Variants in ST18 observed in about 807,000 individuals in gnomAD.
The protein encoded by ST18 is ST18 C2H2C-type zinc finger transcription factor, also known as suppression of tumorigenicity 18 protein.
Under a neutral mutation model 110.0 loss-of-function variants are expected in ST18, and 50 were observed. That is an observed-to-expected ratio of 0.45 (90% CI 0.36 to 0.58). ST18 has a LOEUF of 0.58. Ranked by LOEUF, ST18 falls within the 20% of genes least tolerant of loss-of-function variation. ST18 has a pLI of 0.00. For missense variants in ST18, 1,306 were observed against 1,280.1 expected, an observed-to-expected ratio of 1.02 and a Z score of -0.31; for synonymous variants, 461 against 452.4, an observed-to-expected ratio of 1.02 and a Z score of -0.24.
chr8:52,152,798 A>C (rs543747946), intron 15 of ST18, among the ~76,000 whole-genome samples: 4 of 152,220 alleles, frequency 2.6e-5, no homozygotes, highest in Non-Finnish European at 5.9e-5. Context: ...TTACTATAAA[A>C]TAAGAAGTGA....
chr8:52,254,246 T>G (rs2094452599), intron 2 of ST18: 1 of 152,166 alleles, frequency 6.6e-6, no homozygotes. Flanking sequence ...AGTTTTAAAC[T>G]TACTTTTTTG....
chr8:52,378,777 T>G (rs1352229051), intron 2 of ST18, among the ~76,000 whole-genome samples: 1 of 152,206 alleles, frequency 6.6e-6, no homozygotes, highest in East Asian at 1.9e-4. Flanking sequence ...ATTTGGAGAA[T>G]TAAAATGTTA....
intron 9 of ST18, among the ~76,000 whole-genome samples, chr8:52,173,566 T>C (rs975957218): frequency 4.6e-5 from 7 of 152,124 alleles, no homozygotes; most frequent in Non-Finnish European, 1.0e-4. Context: ...CCCAAGCCTG[T>C]CCCAGTGCAA....
Position 52,113,244 on chromosome 8 carries a change from G to C in ST18, c.3098C>G (p.Ala1033Gly). 6.2e-7 allele frequency: 1 copy of C among 1,614,140 alleles called. No homozygotes were observed. Among genetic ancestry groups the C allele is most frequent in the Non-Finnish European group, 8.5e-7 (1 of 1,179,970 alleles). ...TGCCTGTTTGATACTTTCCAGTAGA[G>C]CTTTGCATTCCGGGGAATAGTCCCG... ...LERDYSPECK[A>G]LLESIKQAVK... is the part of the protein sequence containing the mutation. The change falls in exon 26 of 26, where the codon GCT becomes GGT. Residue 1033 changes from alanine to glycine, a missense_variant. By Grantham distance (60) the Ala-to-Gly change is moderately conservative (BLOSUM62 0). Transcript: ENST00000689386.
intron 9 of ST18, among the ~76,000 whole-genome samples, chr8:52,175,109 C>T (rs564307984): frequency 2.6e-5 from 4 of 152,084 alleles, no homozygotes; most frequent in Non-Finnish European, 5.9e-5. Context: ...GGTGGGGCTG[C>T]GTCACCTGCC....
At chr8:52,306,860 A>T (rs2095821693) in intron 2 of ST18, among the ~76,000 whole-genome samples, 1 of 152,240 alleles carries the variant, frequency 6.6e-6, no homozygotes, top group Admixed American at 6.5e-5. Flanking sequence ...CAAGAACCAC[A>T]GTAACTTTTG....
At chr8:52,409,758 G>C (rs1252198187), upstream of ST18, 1 of 152,394 alleles carries the variant, frequency 6.6e-6, no homozygotes, top group South Asian at 2.1e-4. Context: ...CATAGAATCA[G>C]AACGCAGAGG....
intron 8 of ST18, among the ~76,000 whole-genome samples, chr8:52,190,896 T>C (rs2074261093): frequency 6.6e-6 from 1 of 152,174 alleles, no homozygotes; most frequent in Admixed American, 6.5e-5. Flanking sequence ...ACCATATCGG[T>C]GAAGTGCTTA....
chr8:52,154,726 G>A (rs796574651), intron 15 of ST18: 1 of 152,142 alleles, frequency 6.6e-6, no homozygotes, highest in African/African-American at 2.4e-5. Flanking sequence ...CCAAGTTCTA[G>A]AATCAGGCCG....
At chr8:52,204,745 C>T (rs1485272439) in intron 8 of ST18, among the ~76,000 whole-genome samples, 2 of 152,096 alleles carry the variant, frequency 1.3e-5, no homozygotes, top group Middle Eastern at 3.2e-3. Flanking sequence ...TCTGACAATG[C>T]AAGTCAATCC....
chr8:52,136,804 C>T lies in ST18; in HGVS notation c.2232-146G>A, dbSNP rs183748690. On this transcript the variant is annotated intron_variant, in intron 18 of 25. Transcript: ENST00000689386. Reference sequence around the variant, plus strand: ...ATAACTGGCTTTGAATCTGGCTTTGCTCTTCTCGCCAGTCTGGGCTGGTGG... The same window carrying T: ...ATAACTGGCTTTGAATCTGGCTTTGTTCTTCTCGCCAGTCTGGGCTGGTGG... 7.6e-4 allele frequency: 532 copies of T among 700,216 alleles called. 4 individuals carry two copies. In the African/African-American group the frequency reaches 8.5e-3, roughly 11 times the overall value. The allele number at this position is 700,216 out of a possible 1,614,324, so 43.4% of individuals were successfully genotyped here. A position where few individuals can be genotyped will look rare whatever the true frequency, so the allele number is the denominator to read the frequency against.
intron 8 of ST18, among the ~76,000 whole-genome samples, chr8:52,208,078 T>G (rs1191470650): frequency 2.0e-5 from 3 of 152,242 alleles, no homozygotes; most frequent in Non-Finnish European, 2.9e-5. Context: ...ATAAATTGCT[T>G]TTTTAATGGT....
chr8:52,225,217 T>C (rs1458005570), intron 3 of ST18, among the ~76,000 whole-genome samples: 2 of 152,230 alleles, frequency 1.3e-5, no homozygotes, highest in Admixed American at 6.5e-5. Context: ...CTCTGCAAGA[T>C]GATTTAACTT....
intron 2 of ST18, among the ~76,000 whole-genome samples, chr8:52,251,775 C>G (rs1253454633): frequency 6.6e-6 from 1 of 152,038 alleles, no homozygotes; most frequent in African/African-American, 2.4e-5. Context: ...CAGATGGAAC[C>G]ATTTCTGAAG....
chr8:52,170,274 G>A (rs991010987), intron 10 of ST18, among the ~76,000 whole-genome samples: 12 of 152,192 alleles, frequency 7.9e-5, no homozygotes, highest in East Asian at 5.8e-4. Context: ...CGGCCAACAC[G>A]GGGAAACCCC....
chr8:52,385,377 A>T (rs990906885), intron 2 of ST18, among the ~76,000 whole-genome samples: 4 of 152,202 alleles, frequency 2.6e-5, no homozygotes, highest in African/African-American at 9.6e-5. Flanking sequence ...AGGCAGGCGG[A>T]TCACCTGAGG....
intron 3 of ST18, among the ~76,000 whole-genome samples, chr8:52,228,250 T>C (rs2090176674): frequency 2.6e-5 from 4 of 152,194 alleles, no homozygotes. Flanking sequence ...TGGCTTATGA[T>C]TTAAATGGGT....
intron 2 of ST18, among the ~76,000 whole-genome samples, chr8:52,252,505 TA>T (rs56856023): frequency 0.32 from 47,693 of 146,882 alleles, 7,693 homozygotes; most frequent in Middle Eastern, 0.46. Context: ...ATGGCCACTC[TA>T]AAAAAAAAAA....
intron 2 of ST18, among the ~76,000 whole-genome samples, chr8:52,365,467 G>A (rs1827491240): frequency 6.6e-6 from 1 of 151,708 alleles, no homozygotes; most frequent in Non-Finnish European, 1.5e-5. Flanking sequence ...TTAAGCAGAA[G>A]TAAATGAAAT....
Sources: allele counts gnomAD v4.1 joint callset (sites outside exome capture counted in the v4.1 genomes callset), GRCh38; gene constraint gnomAD v4.1.1; transcripts MANE v1.5; gene names NCBI Gene and HGNC (gene_info 2026-07-23, HGNC 2026-07-21).